Variants in SGCD observed in about 807,000 individuals in gnomAD.
SGCD encodes sarcoglycan delta.
SGCD carries 18 observed loss-of-function variants against 36.6 expected under a neutral mutation model. That is an observed-to-expected ratio of 0.49 (90% CI 0.34 to 0.73). The LOEUF (loss-of-function observed/expected upper bound fraction) is 0.73, where lower values mean the gene tolerates loss of function less well. Among genes scored for constraint, SGCD ranks in the 30% least tolerant of loss-of-function variants. SGCD has a pLI of 0.01. For synonymous variants in SGCD, 133 were observed against 130.6 expected (o/e 1.02, Z -0.12); for missense variants, 387 against 346.7 (o/e 1.12, Z -0.92).
the SGCD span, among the ~76,000 whole-genome samples, chr5:155,799,974 A>G: frequency 2.0e-5 from 3 of 150,704 alleles, no homozygotes; most frequent in Admixed American, 1.3e-4. Flanking sequence ...ATGCAACACC[A>G]TGCCCAGCTA....
At chr5:156,540,546 T>C (rs934043054) in intron 4 of SGCD, among the ~76,000 whole-genome samples, 1 of 152,192 alleles carries the variant, frequency 6.6e-6, no homozygotes, top group Non-Finnish European at 1.5e-5. Flanking sequence ...TTAACACCTG[T>C]TCCTCCCTGA....
chr5:156,144,085 G>T (rs565738024), intron 3 of SGCD, among the ~76,000 whole-genome samples: 260 of 152,024 alleles, frequency 1.7e-3, no homozygotes, highest in African/African-American at 5.8e-3. Context: ...TTTTATGGCT[G>T]CATGGTATTC....
chr5:156,371,176 A>G (rs995680346), intron 3 of SGCD, among the ~76,000 whole-genome samples: 3 of 152,192 alleles, frequency 2.0e-5, no homozygotes, highest in African/African-American at 7.2e-5. Flanking sequence ...CCTAGGGATT[A>G]TTTTAAGCAG....
At chr5:156,078,450 T>A (rs1200234115) in intron 1 of SGCD, among the ~76,000 whole-genome samples, 4 of 149,850 alleles carry the variant, frequency 2.7e-5, no homozygotes, top group Non-Finnish European at 5.9e-5. Context: ...GAGGCAGAGG[T>A]TGCAGTGAGT....
intron 1 of SGCD, among the ~76,000 whole-genome samples, chr5:155,918,974 AGCT>A (rs1278206358): frequency 7.5e-4 from 114 of 152,360 alleles, no homozygotes; most frequent in South Asian, 2.9e-3. Flanking sequence ...TCCTGCAAAA[AGCT>A]TCCAGATTAC....
intron 1 of SGCD, among the ~76,000 whole-genome samples, chr5:155,996,556 T>C (rs1363995451): frequency 6.6e-6 from 1 of 151,950 alleles, no homozygotes; most frequent in Non-Finnish European, 1.5e-5. Context: ...GGCGGGGGGA[T>C]CACTTAAGGC....
At chr5:155,898,685 C>G (rs768800830) in intron 1 of SGCD, among the ~76,000 whole-genome samples, 2 of 152,204 alleles carry the variant, frequency 1.3e-5, no homozygotes, top group Non-Finnish European at 2.9e-5. Flanking sequence ...TCCTGCACCT[C>G]TTCTCTGCCA....
At chr5:156,015,807 C>CAT (rs1054993427) in intron 1 of SGCD, among the ~76,000 whole-genome samples, 1 of 150,818 alleles carries the variant, frequency 6.6e-6, no homozygotes, top group Non-Finnish European at 1.5e-5. Context: ...AACACACACA[C>CAT]ACACACACAC....
intron 3 of SGCD, among the ~76,000 whole-genome samples, chr5:156,168,883 A>G (rs1019703683): frequency 6.6e-6 from 1 of 152,196 alleles, no homozygotes; most frequent in Non-Finnish European, 1.5e-5. Flanking sequence ...CACATGCGCC[A>G]TGAGCAGTCA....
At chr5:156,018,088 A>G (rs1396925585) in intron 1 of SGCD, among the ~76,000 whole-genome samples, 1 of 152,154 alleles carries the variant, frequency 6.6e-6, no homozygotes, top group Non-Finnish European at 1.5e-5. Flanking sequence ...TGAGCCTAGG[A>G]GGTCAAGGCT....
At chr5:156,642,812 A>G (rs373981359) in intron 6 of SGCD, among the ~76,000 whole-genome samples, 1 of 151,924 alleles carries the variant, frequency 6.6e-6, no homozygotes, top group Non-Finnish European at 1.5e-5. Context: ...AAGCGTTTCC[A>G]TAGTCTTTTC....
intron 3 of SGCD, among the ~76,000 whole-genome samples, chr5:156,167,622 A>T (rs4704980): frequency 0.55 from 83,245 of 152,010 alleles, 24,685 homozygotes; most frequent in East Asian, 0.94. Flanking sequence ...TCTGGTTGTT[A>T]AAAAAGTCTG....
chr5:156,697,615 C>CTCTA, intron 7 of SGCD, among the ~76,000 whole-genome samples: 1 of 152,216 alleles, frequency 6.6e-6, no homozygotes, highest in Non-Finnish European at 1.5e-5. Flanking sequence ...CTTGGAGTTT[C>CTCTA]TCTATCTCTG....
rs148607128 is a variant in SGCD at position 156,189,114 on chromosome 5, C to T, written c.-44+65095C>T. Among the ~76,000 whole-genome samples the T allele has an allele frequency of 3.5e-3, 537 of 152,292 alleles. 6 individuals carry two copies. Among genetic ancestry groups the T allele is most frequent in the African/African-American group, 0.012 (500 of 41,572 alleles). The stretch of plus-strand genomic sequence containing the variant: ...GACTCTCCACCACCATGGGTTCAGC[C>T]AGGAAGAAGAGGGTTATAATTTCCT... On this transcript the variant is annotated intron_variant, in intron 3 of 9. Transcript: ENST00000517913.
At chr5:156,110,259 G>T (rs976307581) in intron 1 of SGCD, among the ~76,000 whole-genome samples, 2 of 152,146 alleles carry the variant, frequency 1.3e-5, no homozygotes, top group Non-Finnish European at 2.9e-5. Context: ...TTAGGAGAAA[G>T]AAATGGGTCA....
At chr5:155,885,497 C>A (rs1310383505) in intron 1 of SGCD, among the ~76,000 whole-genome samples, 1 of 55,204 alleles carries the variant, frequency 1.8e-5, no homozygotes, top group African/African-American at 1.7e-4. Flanking sequence ...TACATACAGT[C>A]TTGTGCTTTT....
intron 3 of SGCD, among the ~76,000 whole-genome samples, chr5:156,476,666 A>G (rs77923491): frequency 0.021 from 3,129 of 152,310 alleles, 35 homozygotes; most frequent in Non-Finnish European, 0.032. Flanking sequence ...TGTTGCACAC[A>G]AGGGAATTGG....
chr5:156,060,747 A>G (rs1045474059), intron 1 of SGCD, among the ~76,000 whole-genome samples: 1 of 146,224 alleles, frequency 6.8e-6, no homozygotes, highest in East Asian at 1.9e-4. Flanking sequence ...TACAATTTGG[A>G]TGTTGTAAGC....
intron 1 of SGCD, among the ~76,000 whole-genome samples, chr5:156,036,451 C>A (rs553059002): frequency 2.7e-4 from 41 of 152,252 alleles, no homozygotes; most frequent in African/African-American, 8.9e-4. Context: ...GAATGACAGT[C>A]AGATCTCAGT....
Sources: gnomAD v4.1 joint callset for allele counts (sites outside exome capture counted in the v4.1 genomes callset) on GRCh38, gnomAD v4.1.1 for gene constraint, MANE v1.5 for transcripts, NCBI Gene and HGNC (gene_info 2026-07-23, HGNC 2026-07-21) for gene names.